The following DACH2 variants were observed in gnomAD, a reference collection of about 807,000 sequenced individuals.
The protein encoded by DACH2 is dachshund family transcription factor 2, also known as dachshund homolog 2.
DACH2 carries 17 observed loss-of-function variants against 35.8 expected under a neutral mutation model. The observed-to-expected ratio is 0.48, with a 90% confidence interval of 0.33 to 0.71. The LOEUF (loss-of-function observed/expected upper bound fraction) is 0.71. Ranked by LOEUF, DACH2 falls within the 30% of genes least tolerant of loss-of-function variation. The pLI, the probability that DACH2 is intolerant of heterozygous loss-of-function variation, is 0.02. For missense variants in DACH2, 469 were observed against 472.7 expected (o/e 0.99, Z 0.07); for synonymous variants, 195 against 177.3 (o/e 1.10, Z -0.79).
intron 1 of DACH2, among the ~76,000 whole-genome samples, chrX:86,357,183 C>A (rs2035657465): frequency 8.9e-6 from 1 of 112,416 alleles, no homozygotes; most frequent in Non-Finnish European, 1.9e-5. Flanking sequence ...AGAAACACAA[C>A]CAACTATGCA....
At chrX:86,735,482 G>A (rs1314198578) in intron 6 of DACH2, among the ~76,000 whole-genome samples, 1 of 111,881 alleles carries the variant, frequency 8.9e-6, no homozygotes, top group Non-Finnish European at 1.9e-5. Flanking sequence ...TATCTCTAAA[G>A]AAAAGGAACT....
At chrX:86,514,226 C>A in intron 2 of DACH2, 53 bp from the exon 3 acceptor site, 1 of 1,059,107 alleles carries the variant, frequency 9.4e-7, no homozygotes, top group Non-Finnish European at 1.3e-6. Context: ...TGATGGTTTT[C>A]TCAAAAAGAG....
intron 3 of DACH2, among the ~76,000 whole-genome samples, chrX:86,640,329 C>A (rs1395885885): frequency 9.0e-6 from 1 of 110,972 alleles, no homozygotes; most frequent in Non-Finnish European, 1.9e-5. Context: ...AAGCAAAGAC[C>A]CTAAGTGCTT....
intron 7 of DACH2, among the ~76,000 whole-genome samples, chrX:86,756,929 T>C (rs2041835191): frequency 9.0e-6 from 1 of 111,294 alleles, no homozygotes; most frequent in Middle Eastern, 4.7e-3. Context: ...TTAAGAGTAT[T>C]TATTATTATT....
chrX:86,582,658 C>A (rs2039516130), intron 3 of DACH2, among the ~76,000 whole-genome samples: 1 of 110,116 alleles, frequency 9.1e-6, no homozygotes, highest in Non-Finnish European at 1.9e-5. Context: ...CAAGATTGGA[C>A]CAGGAAGAAA....
At chrX:86,705,963 G>T (rs2041211507) in intron 5 of DACH2, among the ~76,000 whole-genome samples, 1 of 111,895 alleles carries the variant, frequency 8.9e-6, no homozygotes, top group Non-Finnish European at 1.9e-5. Flanking sequence ...GGAGCTGAAG[G>T]CCATCATTCT....
intron 1 of DACH2, among the ~76,000 whole-genome samples, chrX:86,295,090 C>G (rs1017026131): frequency 8.9e-6 from 1 of 112,674 alleles, no homozygotes; most frequent in Non-Finnish European, 1.9e-5. Flanking sequence ...GGGCGTAGGA[C>G]CCTCCGAGCC....
intron 7 of DACH2, among the ~76,000 whole-genome samples, chrX:86,746,787 T>G (rs937885883): frequency 1.8e-5 from 2 of 111,341 alleles, no homozygotes; most frequent in Non-Finnish European, 3.8e-5. Context: ...AAGATCAATT[T>G]ATCTATTTTT....
chrX:86,287,845 A>G (rs1222935514), intron 1 of DACH2, among the ~76,000 whole-genome samples: 1 of 112,242 alleles, frequency 8.9e-6, no homozygotes, highest in East Asian at 2.8e-4. Flanking sequence ...TGAATTCTCT[A>G]TCTAAAAGGT....
intron 2 of DACH2, among the ~76,000 whole-genome samples, chrX:86,407,219 T>G (rs1200279561): frequency 8.9e-6 from 1 of 111,965 alleles, no homozygotes; most frequent in Admixed American, 9.5e-5. Context: ...CATGATAAAC[T>G]TGGATTTATA....
intron 1 of DACH2, among the ~76,000 whole-genome samples, chrX:86,309,517 G>T (rs760730022): frequency 1.6e-3 from 176 of 111,640 alleles, no homozygotes; most frequent in African/African-American, 5.7e-3. Flanking sequence ...GTCCCTTTTT[G>T]CTTCCAGAAG....
chrX:86,815,436 C>T (rs916615941), intron 10 of DACH2, among the ~76,000 whole-genome samples: 5 of 109,769 alleles, frequency 4.6e-5, no homozygotes, highest in Admixed American at 3.9e-4. Flanking sequence ...TAAATATGTA[C>T]ACACACAAAC....
intron 1 of DACH2, among the ~76,000 whole-genome samples, chrX:86,329,584 A>T (rs1426034757): frequency 1.8e-5 from 2 of 110,947 alleles, no homozygotes; most frequent in Admixed American, 1.9e-4. Flanking sequence ...TACTTAAGAA[A>T]AATCTGATCT....
chrX:86,779,835 A>G (rs1381446375), intron 7 of DACH2, among the ~76,000 whole-genome samples: 1 of 112,067 alleles, frequency 8.9e-6, no homozygotes, highest in East Asian at 2.8e-4. Flanking sequence ...CATTGCTAGT[A>G]CCAATATGGA....
chrX:86,436,724 T>G (rs1371774117), intron 2 of DACH2, among the ~76,000 whole-genome samples: 1 of 111,415 alleles, frequency 9.0e-6, no homozygotes, highest in Non-Finnish European at 1.9e-5. Flanking sequence ...AACAATTTCT[T>G]TCTTAAATTC....
chrX:86,203,604 T>A (rs1485024059), intron 1 of DACH2, among the ~76,000 whole-genome samples: 1 of 112,116 alleles, frequency 8.9e-6, no homozygotes, highest in Non-Finnish European at 1.9e-5. Context: ...GAATAGATTT[T>A]AAAAATCTGG....
At chrX:86,269,537 TCAGA>T (rs1372824499) in intron 1 of DACH2, among the ~76,000 whole-genome samples, 1 of 111,472 alleles carries the variant, frequency 9.0e-6, no homozygotes. Flanking sequence ...TTTTAGTGAC[TCAGA>T]CAGAAGTATA....
intron 2 of DACH2, among the ~76,000 whole-genome samples, chrX:86,434,806 A>G (rs753098750): frequency 2.7e-5 from 3 of 111,920 alleles, no homozygotes; most frequent in Admixed American, 9.5e-5. Flanking sequence ...TGCAGGCTGT[A>G]CAGGAATCAT....
chrX:86,451,441 G>T (rs1462146641), intron 2 of DACH2, among the ~76,000 whole-genome samples: 2 of 111,151 alleles, frequency 1.8e-5, no homozygotes, highest in Non-Finnish European at 3.8e-5. Flanking sequence ...ACTAGTGCCA[G>T]GCTGTTTTGG....
Sources: allele counts gnomAD v4.1 joint callset (sites outside exome capture counted in the v4.1 genomes callset), GRCh38; gene constraint gnomAD v4.1.1; transcripts MANE v1.5; gene names NCBI Gene and HGNC (gene_info 2026-07-23, HGNC 2026-07-21).